XIRP2: variants seen among roughly 807,000 people sequenced by gnomAD.
XIRP2 encodes xin actin binding repeat containing 2, also known as xin actin-binding repeat-containing protein 2.
Under a neutral mutation model 277.0 loss-of-function variants are expected in XIRP2, and 236 were observed. The observed-to-expected ratio is 0.85, with a 90% CI of 0.77 to 0.95. The LOEUF is 0.95. Among genes scored for constraint, XIRP2 ranks in the 40% least tolerant of loss-of-function variants. The pLI is 0.00. For synonymous variants in XIRP2, 1,490 were observed against 1,416.5 expected (o/e 1.05, Z -1.17); for missense variants, 4,640 against 4,157.5 (o/e 1.12, Z -3.19).
At chr2:167,018,798 T>C (rs1280371387) in intron 2 of XIRP2, among the ~76,000 whole-genome samples, 1 of 152,066 alleles carries the variant, frequency 6.6e-6, no homozygotes, top group East Asian at 1.9e-4. Flanking sequence ...TTAGTGTGCA[T>C]TTCCACTGAA....
At chr2:167,206,402 T>C (rs1255699248) in intron 3 of XIRP2, among the ~76,000 whole-genome samples, 1 of 152,234 alleles carries the variant, frequency 6.6e-6, no homozygotes, top group East Asian at 1.9e-4. Context: ...TTTTCTTTTC[T>C]GTACCATATA....
At position 166,903,497 on chromosome 2, in the gene XIRP2, GA is replaced by G. The variant is rs758555310; in HGVS notation, c.17del (p.Lys6ArgfsTer7). 5.6e-6 allele frequency: 9 copies of G among 1,612,836 alleles called. No individual in the cohort carries two copies. The South Asian group carries it at 8.8e-5, about 16-fold the overall frequency. On this transcript the variant is annotated frameshift_variant, in exon 2 of 11. Coordinates refer to ENST00000409195, the MANE Select transcript of XIRP2 (RefSeq NM_152381.6). LOFTEE classifies it high-confidence loss of function. MFPMQ[K>X]GSLNLLRQKW... ...TGGACCCATCCATGTTCCCAATGCA[GA>G]AGGGCTCCCTCAACCTCCTGAGGCA...
In XIRP2 at chr2:166,902,209, C is replaced by T. The variant is rs527626597; in HGVS notation, c.-18-1256C>T. ...TTACATCAATTTAGTGGGCAGCACA[C>T]ATTATCTTTAAAAGTGAAGGAGTTC... On this transcript the variant is annotated intron_variant, in intron 1 of 10. Transcript: ENST00000409195. Among the ~76,000 whole-genome samples the T allele has an allele frequency of 2.6e-5, 4 of 152,178 alleles. No individual in the cohort carries two copies. In the East Asian group the frequency reaches 5.8e-4, roughly 22 times the overall value.
intron 2 of XIRP2, among the ~76,000 whole-genome samples, chr2:167,114,377 G>C (rs1473108066): frequency 6.6e-6 from 1 of 151,994 alleles, no homozygotes; most frequent in Non-Finnish European, 1.5e-5. Flanking sequence ...CAGTTTTCAA[G>C]CTCTGAGATT....
chr2:167,001,555 C>T (rs545882842), intron 2 of XIRP2, among the ~76,000 whole-genome samples: 1 of 152,172 alleles, frequency 6.6e-6, no homozygotes, highest in East Asian at 1.9e-4. Context: ...AGAAATAACG[C>T]TATCAGTCAG....
chr2:167,076,900 C>T (rs1035762367), intron 2 of XIRP2, among the ~76,000 whole-genome samples: 2 of 152,058 alleles, frequency 1.3e-5, no homozygotes, highest in African/African-American at 2.4e-5. Flanking sequence ...GGGGCAATCT[C>T]GGCTCACTGC....
chr2:167,249,492 A>T lies in XIRP2; in HGVS notation c.8100A>T (p.Gln2700His). 6.2e-7 allele frequency: 1 copy of T among 1,613,856 alleles called. No homozygotes were observed. Among genetic ancestry groups the T allele is most frequent in the Non-Finnish European group, 8.5e-7 (1 of 1,179,844 alleles). Residue 2700 changes from glutamine to histidine, a missense_variant, in exon 9 of 11, where the codon CAA becomes CAT. Physicochemically the swap from Gln to His is conservative, Grantham distance 24. Transcript: ENST00000409195. ...KKYLEQLHLPQSKPISPNFKV... is the reference protein window; with the variant it reads ...KKYLEQLHLPHSKPISPNFKV... ...ATTTGGAGCAGTTGCACTTGCCCCA[A>T]AGCAAACCAATTTCCCCAAATTTCA... is the stretch of plus-strand genomic sequence containing the variant.
rs1687518971 is a variant in XIRP2 at position 167,006,958 on chromosome 2, TGAA to T, written c.408+103074_408+103076del. Among the ~76,000 whole-genome samples, 4 of 151,780 alleles carry T rather than the reference TGAA, an allele frequency of 2.6e-5. No homozygotes were observed. In the South Asian group the frequency reaches 8.3e-4, roughly 31 times the overall value. On this transcript the variant is annotated intron_variant, in intron 2 of 10. Transcript: ENST00000409195. ...AAGTAATGAAAATCTATAGGAACAA[TGAA>T]GAAGACTTCAATGGATTGCAGAATT... is the stretch of plus-strand genomic sequence containing the variant.
chr2:167,209,617 C>T (rs1040772118), intron 3 of XIRP2, among the ~76,000 whole-genome samples: 9 of 151,960 alleles, frequency 5.9e-5, no homozygotes, highest in African/African-American at 1.7e-4. Context: ...GATGCATATA[C>T]ATAAACTCAT....
chr2:166,989,018 A>T (rs1687098033), intron 2 of XIRP2, among the ~76,000 whole-genome samples: 1 of 83,198 alleles, frequency 1.2e-5, no homozygotes, highest in Non-Finnish European at 2.1e-5. Context: ...GGCAGGGCAC[A>T]GACAAACAAA....
At chr2:167,217,575 T>G (rs576355482) in intron 4 of XIRP2, among the ~76,000 whole-genome samples, 38 of 152,172 alleles carry the variant, frequency 2.5e-4, no homozygotes, top group Non-Finnish European at 5.3e-4. Context: ...TATTTTAAAA[T>G]GTGGGTAATA....
At chr2:167,000,681 G>C (rs1469090480) in intron 2 of XIRP2, among the ~76,000 whole-genome samples, 1 of 151,914 alleles carries the variant, frequency 6.6e-6, no homozygotes, top group East Asian at 1.9e-4. Context: ...TCCACTCCTT[G>C]TTTACCCAGA....
At chr2:167,064,716 A>G (rs1173863293) in intron 2 of XIRP2, among the ~76,000 whole-genome samples, 1 of 151,802 alleles carries the variant, frequency 6.6e-6, no homozygotes, top group Non-Finnish European at 1.5e-5. Context: ...TATGAATTTG[A>G]TTGTCCAAGG....
At chr2:167,234,112 A>G (rs1694834432) in intron 5 of XIRP2, among the ~76,000 whole-genome samples, 1 of 151,638 alleles carries the variant, frequency 6.6e-6, no homozygotes, top group Non-Finnish European at 1.5e-5. Flanking sequence ...TCTAGCAGCT[A>G]AAACTAGCAT....
chr2:167,023,391 C>A (rs952566429), intron 2 of XIRP2, among the ~76,000 whole-genome samples: 3 of 151,848 alleles, frequency 2.0e-5, no homozygotes, highest in African/African-American at 7.3e-5. Context: ...AAAATTTTCT[C>A]CCATTTTGTA....
chr2:167,221,225 C>A (rs1372640474), intron 5 of XIRP2, among the ~76,000 whole-genome samples: 3 of 151,900 alleles, frequency 2.0e-5, no homozygotes, highest in Non-Finnish European at 2.9e-5. Flanking sequence ...GTAATCCCAG[C>A]AGTTTGGGAG....
chr2:167,035,448 G>T (rs1688483904), intron 2 of XIRP2, among the ~76,000 whole-genome samples: 1 of 152,144 alleles, frequency 6.6e-6, no homozygotes. Flanking sequence ...GTTATGTTTT[G>T]GCAAAGAGAC....
intron 2 of XIRP2, among the ~76,000 whole-genome samples, chr2:166,925,986 A>T (rs1030838917): frequency 2.0e-5 from 3 of 151,866 alleles, no homozygotes; most frequent in Admixed American, 1.3e-4. Flanking sequence ...AGGCTGTAAG[A>T]TTGCTTGAGC....
intron 5 of XIRP2, among the ~76,000 whole-genome samples, chr2:167,232,829 C>T (rs1694799168): frequency 6.6e-6 from 1 of 151,680 alleles, no homozygotes; most frequent in African/African-American, 2.4e-5. Context: ...TGATACTAAC[C>T]CAGGAAGGCT....
Sources: gnomAD v4.1 joint callset for allele counts (sites outside exome capture counted in the v4.1 genomes callset) on GRCh38, gnomAD v4.1.1 for gene constraint, MANE v1.5 for transcripts, NCBI Gene and HGNC (gene_info 2026-07-23, HGNC 2026-07-21) for gene names.